SEMA4G: variants seen among roughly 807,000 people sequenced by gnomAD.
SEMA4G encodes the protein semaphorin-4G.
Under a neutral mutation model 81.2 loss-of-function variants are expected in SEMA4G, and 59 were observed. That is an observed-to-expected ratio of 0.73 (90% CI 0.59 to 0.90). The LOEUF (loss-of-function observed/expected upper bound fraction) is 0.90. Ranked by LOEUF, SEMA4G falls within the 40% of genes least tolerant of loss-of-function variation. The pLI is 0.00. For missense variants in SEMA4G, 952 were observed against 1,102.3 expected (o/e 0.86, Z 1.93); for synonymous variants, 404 against 433.9 (o/e 0.93, Z 0.86).
At chr10:100,983,387 C>G in exon 14 of SEMA4G, 1 of 1,611,160 alleles carries the variant, frequency 6.2e-7, no homozygotes. Flanking sequence ...CCAACCTGGC[C>G]CGGGCCTTGT....
chr10:100,981,745 C>A (rs1343541905), intron 13 of SEMA4G, among the ~76,000 whole-genome samples: 1 of 152,158 alleles, frequency 6.6e-6, no homozygotes, highest in African/African-American at 2.4e-5. Context: ...ACTTATTCAG[C>A]TATTAAGAAA....
rs534844916 is a variant in SEMA4G, at chr10:100,979,084, G to T, written c.814-18G>T. On this transcript the variant is annotated intron_variant, in intron 7 of 13. Coordinates refer to ENST00000370250, the Ensembl canonical transcript of SEMA4G. ...ACCTCTGACCCTGGCCCCTTATCCC[G>T]TGCCTCTACCTCCCCAGGGAGACCT... 6.2e-7 allele frequency: 1 copy of T among 1,613,582 alleles called. No homozygotes were observed. The highest frequency in any genetic ancestry group is 1.3e-5 in the African/African-American group (1 of 75,026).
intron 13 of SEMA4G, 180 bp downstream of exon 14, chr10:100,981,409 A>G (rs914149330): frequency 6.2e-7 from 1 of 1,613,572 alleles, no homozygotes; most frequent in African/African-American, 1.3e-5. Context: ...GCCCAAATGA[A>G]TTATAAACTA....
chr10:100,979,766 A>G (rs1458163076), intron 8 of SEMA4G, 82 bp from the exon 10 acceptor site: 10 of 1,542,956 alleles, frequency 6.5e-6, no homozygotes, highest in African/African-American at 1.4e-5. Flanking sequence ...CCAGGGTAAC[A>G]GTGAGCTTCA....
At chr10:100,984,361 G>A in exon 14 of SEMA4G, 2 of 1,444,812 alleles carry the variant, frequency 1.4e-6, no homozygotes, top group Admixed American at 2.7e-5. Flanking sequence ...CTCAGAGGTA[G>A]GTGCTCCCTC....
chr10:100,983,852 T>A, exon 14 of SEMA4G: 1 of 1,587,360 alleles, frequency 6.3e-7, no homozygotes, highest in Non-Finnish European at 8.6e-7. Context: ...ATGAGGGGGC[T>A]GGGGGCCTGG....
At position 100,983,876 on chromosome 10, in the gene SEMA4G, C is replaced by T. The variant is rs539199769; in HGVS notation, c.2262C>T (p.Leu754=). The change falls in exon 14 of 14, where the codon CTC becomes CTT. Residue 754 remains leucine, a synonymous_variant. Transcript: ENST00000370250. ...CTGGGGGCCTGGAGGGCAGCTGTCT[C>T]CAGATCATCCCTGGGGAGGGAGCCC... 1.3e-5 allele frequency: 21 copies of T among 1,557,752 alleles called. No individual in the cohort carries two copies. In the East Asian group the frequency reaches 4.5e-4, roughly 34 times the overall value.
At chr10:100,979,451 C>G (rs1850951199) in intron 8 of SEMA4G, 180 bp downstream of exon 9, 1 of 1,466,680 alleles carries the variant, frequency 6.8e-7, no homozygotes, top group Non-Finnish European at 9.1e-7. Flanking sequence ...GGCGCGATCT[C>G]GGCTCACTGC....
Position 100,981,296 on chromosome 10 carries a change from G to A in SEMA4G, c.1690+67G>A, listed in dbSNP as rs368779675. On this transcript the variant is annotated intron_variant, in intron 13 of 13. Transcript: ENST00000370250. Reference sequence around the variant, plus strand: ...TCCTCTTTGCCATTTACTGCCATGTGTACGTATATGTTTGTATCTGAGTGG... The same window carrying A: ...TCCTCTTTGCCATTTACTGCCATGTATACGTATATGTTTGTATCTGAGTGG... 1.5e-4 allele frequency: 244 copies of A among 1,596,902 alleles called. 1 individual carries two copies. The highest frequency in any genetic ancestry group is 8.1e-4 in the South Asian group (73 of 90,644).
exon 14 of SEMA4G, chr10:100,984,365 C>T: frequency 6.9e-7 from 1 of 1,444,994 alleles, no homozygotes; most frequent in Non-Finnish European, 9.1e-7. Flanking sequence ...GAGGTAGGTG[C>T]TCCCTCAGGA....
chr10:100,978,291 C>T lies in SEMA4G; in HGVS notation c.436-4C>T. The T allele has an allele frequency of 2.5e-6, 4 of 1,611,042 alleles. No individual in the cohort carries two copies. Among genetic ancestry groups the T allele is most frequent in the Non-Finnish European group, 3.4e-6 (4 of 1,178,472 alleles). On this transcript the variant is annotated splice_region_variant and splice_polypyrimidine_tract_variant and intron_variant, in intron 4 of 13. Coordinates refer to ENST00000370250, the Ensembl canonical transcript of SEMA4G. ...CCACTTACTGCTGGTTCCTTGTTCC[C>T]TAGGATGCTGAGGCCTTCACCTTGC...
chr10:100,978,094 G>C (rs1349761989), intron 4 of SEMA4G: 4 of 588,900 alleles, frequency 6.8e-6, no homozygotes, highest in Non-Finnish European at 1.2e-5. Flanking sequence ...GCCACTTGCA[G>C]ATTTGGAACT....
chr10:100,971,371 T>A (rs1850627294), upstream of SEMA4G, among the ~76,000 whole-genome samples: 1 of 152,228 alleles, frequency 6.6e-6, no homozygotes, highest in Non-Finnish European at 1.5e-5. Flanking sequence ...CTTCCTGCTG[T>A]CCCAGATCCC....
intron 13 of SEMA4G, 120 bp downstream of exon 14, chr10:100,981,349 G>A: frequency 6.2e-7 from 1 of 1,602,882 alleles, no homozygotes; most frequent in East Asian, 2.2e-5. Flanking sequence ...TGGTAAGGAT[G>A]ACTCAAACAC....
At chr10:100,985,194 T>A, downstream of SEMA4G, 1 of 329,516 alleles carries the variant, frequency 3.0e-6, no homozygotes, top group Non-Finnish European at 5.6e-6. Flanking sequence ...AGAAATCTGA[T>A]GTCTCAACTG....
chr10:100,972,376 C>A (rs980067302), upstream of SEMA4G, among the ~76,000 whole-genome samples: 1 of 151,986 alleles, frequency 6.6e-6, no homozygotes, highest in African/African-American at 2.4e-5. Flanking sequence ...CAGAGCAAAG[C>A]GATAGACAGA....
rs111933864 is a variant in SEMA4G at position 100,972,590 on chromosome 10, A to G, written c.-323A>G. ...TCGGGGGCAGGGTGACCCCATCAGT[A>G]ACCTACAACCCCTCTAGAACTTCAC... On this transcript the variant is annotated 5_prime_UTR_variant, in exon 1 of 14. Coordinates refer to ENST00000370250, the Ensembl canonical transcript of SEMA4G. 1,196 of 255,450 alleles carry G rather than the reference A, an allele frequency of 4.7e-3. 5 individuals are homozygous for G. The highest frequency in any genetic ancestry group is 6.5e-3 in the Non-Finnish European group (885 of 135,610). 15.8% of individuals were successfully genotyped at this position (255,450 alleles called of 1,614,324 possible).
chr10:100,980,690 G>A, exon 11 of SEMA4G: 1 of 1,612,784 alleles, frequency 6.2e-7, no homozygotes, highest in East Asian at 2.2e-5. Context: ...TCTCTCTATT[G>A]CAGGTAGCCC....
At chr10:100,983,987 G>T in exon 14 of SEMA4G, 1 of 1,612,864 alleles carries the variant, frequency 6.2e-7, no homozygotes, top group East Asian at 2.2e-5. Context: ...TGCGGAGGAT[G>T]AATGGCAATA....
Sources: gnomAD v4.1 joint callset for allele counts (sites outside exome capture counted in the v4.1 genomes callset) on GRCh38, gnomAD v4.1.1 for gene constraint, MANE v1.5 for transcripts, NCBI Gene and HGNC (gene_info 2026-07-23, HGNC 2026-07-21) for gene names.